SPPL3: variants seen among roughly 807,000 people sequenced by gnomAD.
SPPL3 encodes the protein signal peptide peptidase-like 3.
A neutral mutation model predicts 42.4 loss-of-function variants in SPPL3; 5 were observed. The observed-to-expected ratio is 0.12, with a 90% confidence interval of 0.06 to 0.25. The LOEUF (loss-of-function observed/expected upper bound fraction) is 0.25, where lower values mean the gene tolerates loss of function less well. Among genes scored for constraint, SPPL3 ranks in the 10% least tolerant of loss-of-function variants. The pLI, the probability that SPPL3 is intolerant of heterozygous loss-of-function variation, is 1.00. For synonymous variants in SPPL3, 195 were observed against 181.8 expected, an observed-to-expected ratio of 1.07 and a Z score of -0.58; for missense variants, 235 against 489.0, an observed-to-expected ratio of 0.48 and a Z score of 4.90.
intron 2 of SPPL3, among the ~76,000 whole-genome samples, chr12:120,792,851 T>C (rs1469366772): frequency 6.6e-6 from 1 of 152,154 alleles, no homozygotes; most frequent in African/African-American, 2.4e-5. Context: ...TCTAAAACTA[T>C]ACAGCTTTTA....
Position 120,892,898 on chromosome 12 carries a change from C to T in SPPL3, c.23+10947G>A, listed in dbSNP as rs541891240. Among the ~76,000 whole-genome samples, 3 of 146,416 alleles carry T rather than the reference C, an allele frequency of 2.0e-5. No homozygotes were observed. In the East Asian group the frequency reaches 6.3e-4, roughly 31 times the overall value. ...TCGGGAGGCTGAGGCAGGAGAATGG[C>T]GTGAACCCGGTAGGCAGAGGTTGCA... is the stretch of plus-strand genomic sequence containing the variant. On this transcript the variant is annotated intron_variant, in intron 1 of 10. Transcript: ENST00000353487.
At chr12:120,853,764 T>C (rs2137036367) in intron 1 of SPPL3, among the ~76,000 whole-genome samples, 1 of 152,140 alleles carries the variant, frequency 6.6e-6, no homozygotes, top group Non-Finnish European at 1.5e-5. Context: ...TTCTAAAAAG[T>C]TCCCAGGCAA....
At chr12:120,837,249 T>C (rs1871650886) in intron 1 of SPPL3, among the ~76,000 whole-genome samples, 1 of 152,194 alleles carries the variant, frequency 6.6e-6, no homozygotes, top group Non-Finnish European at 1.5e-5. Flanking sequence ...TGACCAGTTC[T>C]CAATCACAAG....
intron 1 of SPPL3, among the ~76,000 whole-genome samples, chr12:120,842,667 G>A (rs748535029): frequency 6.6e-6 from 1 of 152,044 alleles, no homozygotes; most frequent in Non-Finnish European, 1.5e-5. Flanking sequence ...TGGTAGAATA[G>A]GCTAACAAGC....
rs1869584613 is a variant in SPPL3, at chr12:120,782,648, C to A, written c.502+7G>T. The A allele has an allele frequency of 6.3e-7, 1 of 1,589,876 alleles. No homozygotes were observed. Among genetic ancestry groups the A allele is most frequent in the South Asian group, 1.1e-5 (1 of 89,080 alleles). On this transcript the variant is annotated splice_region_variant and intron_variant, in intron 6 of 10. Coordinates refer to ENST00000353487, the MANE Select transcript of SPPL3 (RefSeq NM_139015.5). ...AAATTACAATTTGTCACAAATTAGTCACTCACCATCCATGAGAAGCCAATG... is the reference window on the plus strand; with the variant it reads ...AAATTACAATTTGTCACAAATTAGTAACTCACCATCCATGAGAAGCCAATG...
intron 1 of SPPL3, among the ~76,000 whole-genome samples, chr12:120,843,943 G>A (rs1015458006): frequency 2.0e-5 from 3 of 152,142 alleles, no homozygotes; most frequent in South Asian, 2.1e-4. Context: ...GGGCAACAGA[G>A]CGAGATTCCT....
chr12:120,806,739 C>A (rs1269643897), intron 2 of SPPL3, among the ~76,000 whole-genome samples: 1 of 151,594 alleles, frequency 6.6e-6, no homozygotes, highest in African/African-American at 2.4e-5. Context: ...TCCAGCTACT[C>A]GGGAGGCTGA....
chr12:120,825,829 A>G (rs1871215939), intron 1 of SPPL3, among the ~76,000 whole-genome samples: 1 of 152,238 alleles, frequency 6.6e-6, no homozygotes, highest in African/African-American at 2.4e-5. Context: ...AGACCAAGTA[A>G]GATTCTTATG....
At chr12:120,830,124 G>C (rs1020665821) in intron 1 of SPPL3, among the ~76,000 whole-genome samples, 83 of 149,362 alleles carry the variant, frequency 5.6e-4, no homozygotes, top group African/African-American at 2.1e-3. Context: ...TGGTAGCTGT[G>C]AGAAGTTATC....
chr12:120,834,827 A>T (rs1348261498), intron 1 of SPPL3, among the ~76,000 whole-genome samples: 1 of 152,230 alleles, frequency 6.6e-6, no homozygotes, highest in Non-Finnish European at 1.5e-5. Context: ...AAATGTGCCA[A>T]AACTATACAA....
chr12:120,870,423 G>C (rs1872885738), intron 1 of SPPL3, among the ~76,000 whole-genome samples: 1 of 152,056 alleles, frequency 6.6e-6, no homozygotes, highest in Non-Finnish European at 1.5e-5. Flanking sequence ...TGGGCAACAA[G>C]GGTGAAACTC....
intron 1 of SPPL3, among the ~76,000 whole-genome samples, chr12:120,862,957 A>G (rs1435484917): frequency 1.3e-5 from 2 of 152,196 alleles, no homozygotes; most frequent in Non-Finnish European, 2.9e-5. Flanking sequence ...CATGAATAAC[A>G]AAAGATGCTC....
At chr12:120,781,343 T>A (rs1566039884) in intron 6 of SPPL3, among the ~76,000 whole-genome samples, 1 of 152,112 alleles carries the variant, frequency 6.6e-6, no homozygotes, top group African/African-American at 2.4e-5. Flanking sequence ...TGTCTAGGTA[T>A]TCATCCTTAA....
intron 1 of SPPL3, among the ~76,000 whole-genome samples, chr12:120,843,091 T>G (rs1380395489): frequency 6.6e-6 from 1 of 152,170 alleles, no homozygotes; most frequent in East Asian, 1.9e-4. Flanking sequence ...AGGACCTCTG[T>G]GCCTATGCTT....
In SPPL3 at chr12:120,904,108, G is replaced by T; in HGVS notation, c.-241C>A. On this transcript the variant is annotated 5_prime_UTR_variant, in exon 1 of 11. Transcript: ENST00000353487. ...TCCGCTCTCGGCCTCCCTCACCCGC[G>T]GCGGCGGCGGCGGCTCCGCTGCAGC... 3.5e-6 allele frequency: 1 copy of T among 281,752 alleles called. No individual in the cohort carries two copies. Among genetic ancestry groups the T allele is most frequent in the East Asian group, 6.0e-5 (1 of 16,540 alleles). 17.5% of individuals were successfully genotyped at this position (281,752 alleles called of 1,614,324 possible). A position where few individuals can be genotyped will look rare whatever the true frequency, so the allele number is the denominator to read the frequency against.
At chr12:120,777,248 T>A (rs186426439) in intron 6 of SPPL3, among the ~76,000 whole-genome samples, 2 of 152,208 alleles carry the variant, frequency 1.3e-5, no homozygotes, top group Non-Finnish European at 2.9e-5. Context: ...AGGAAGCCAC[T>A]GGACTAGGTA....
chr12:120,812,212 G>A (rs1870708420), intron 1 of SPPL3, among the ~76,000 whole-genome samples: 1 of 150,942 alleles, frequency 6.6e-6, no homozygotes. Context: ...TTGTTTCACT[G>A]CAACCTCCGC....
intron 1 of SPPL3, among the ~76,000 whole-genome samples, chr12:120,865,032 T>C (rs776484582): frequency 6.6e-6 from 1 of 152,214 alleles, no homozygotes; most frequent in African/African-American, 2.4e-5. Context: ...GAAAGATAAC[T>C]TCTCAGAAAT....
At chr12:120,807,026 C>T (rs1870519583) in intron 2 of SPPL3, among the ~76,000 whole-genome samples, 1 of 152,000 alleles carries the variant, frequency 6.6e-6, no homozygotes, top group African/African-American at 2.4e-5. Context: ...CCAAGGGACA[C>T]TATTAAGAAA....
Sources: allele counts gnomAD v4.1 joint callset (sites outside exome capture counted in the v4.1 genomes callset), GRCh38; gene constraint gnomAD v4.1.1; transcripts MANE v1.5; gene names NCBI Gene and HGNC (gene_info 2026-07-23, HGNC 2026-07-21).